Variants in SLC4A4 observed in about 807,000 individuals in gnomAD.
SLC4A4 encodes electrogenic sodium bicarbonate cotransporter 1.
In SLC4A4, 27 loss-of-function variants were observed where a neutral mutation model predicts 111.5. The ratio of observed to expected loss-of-function variants is 0.24; its 90% CI spans 0.18 to 0.33. The LOEUF (loss-of-function observed/expected upper bound fraction) is 0.33. Ranked by LOEUF, SLC4A4 falls within the 10% of genes least tolerant of loss-of-function variation. The pLI is 1.00. For missense variants in SLC4A4, 909 were observed against 1,315.5 expected (o/e 0.69, Z 4.78); for synonymous variants, 443 against 463.4 (o/e 0.96, Z 0.57).
At chr4:71,562,814 A>C (rs1737114899) in intron 23 of SLC4A4, among the ~76,000 whole-genome samples, 1 of 151,430 alleles carries the variant, frequency 6.6e-6, no homozygotes, top group Non-Finnish European at 1.5e-5. Flanking sequence ...CGTTGAATGC[A>C]TTATCTTAGT....
chr4:71,562,009 C>CA, intron 23 of SLC4A4, among the ~76,000 whole-genome samples: 2 of 151,888 alleles, frequency 1.3e-5, no homozygotes, highest in South Asian at 4.1e-4. Flanking sequence ...TTTAAATGTA[C>CA]TGCTCTCTAG....
intron 22 of SLC4A4, among the ~76,000 whole-genome samples, chr4:71,559,428 T>C (rs1247530750): frequency 6.6e-6 from 1 of 151,832 alleles, no homozygotes; most frequent in Non-Finnish European, 1.5e-5. Flanking sequence ...TTGGACAACA[T>C]ACTTAATGTC....
chr4:71,500,783 T>A (rs1016136530), intron 16 of SLC4A4, among the ~76,000 whole-genome samples: 1 of 152,200 alleles, frequency 6.6e-6, no homozygotes, highest in Non-Finnish European at 1.5e-5. Context: ...TGGCCATAAA[T>A]GCATGGATTT....
intron 1 of SLC4A4, among the ~76,000 whole-genome samples, chr4:71,225,350 T>TA (rs74266859): frequency 5.7e-4 from 82 of 144,254 alleles, no homozygotes; most frequent in East Asian, 6.0e-4. Context: ...AGACTCCGTT[T>TA]AAAAAAAAAA....
intron 13 of SLC4A4, among the ~76,000 whole-genome samples, chr4:71,469,349 G>A (rs1003743575): frequency 7.3e-5 from 11 of 151,494 alleles, no homozygotes; most frequent in Non-Finnish European, 1.2e-4. Flanking sequence ...TTTTTAATTC[G>A]TCCATGATAT....
chr4:71,204,131 A>G (rs1263046459), intron 1 of SLC4A4, among the ~76,000 whole-genome samples: 2 of 152,336 alleles, frequency 1.3e-5, no homozygotes, highest in African/African-American at 2.4e-5. Flanking sequence ...AATGAAATGG[A>G]AAAAGAAAAC....
chr4:71,543,344 T>C (rs988537360), intron 18 of SLC4A4, among the ~76,000 whole-genome samples: 5 of 152,052 alleles, frequency 3.3e-5, no homozygotes, highest in Non-Finnish European at 7.4e-5. Context: ...TCAGGTCACA[T>C]TGGTGATTTT....
intron 2 of SLC4A4, among the ~76,000 whole-genome samples, chr4:71,150,741 C>G (rs1289863099): frequency 6.6e-6 from 1 of 152,124 alleles, no homozygotes; most frequent in Admixed American, 6.6e-5. Context: ...CCGAATTCAC[C>G]TTTGGCAGCT....
intron 6 of SLC4A4, among the ~76,000 whole-genome samples, chr4:71,370,290 A>G (rs981593458): frequency 1.3e-5 from 2 of 152,316 alleles, no homozygotes; most frequent in African/African-American, 4.8e-5. Flanking sequence ...TTTATGGGTG[A>G]TGCCTTACTG....
intron 2 of SLC4A4, among the ~76,000 whole-genome samples, chr4:71,181,221 G>T (rs192288800): frequency 8.6e-6 from 1 of 115,852 alleles, no homozygotes; most frequent in Non-Finnish European, 1.7e-5. Context: ...GTTGTGGGGT[G>T]GGGGGAGGGG....
chr4:71,477,054 A>G (rs1344126987), intron 14 of SLC4A4, among the ~76,000 whole-genome samples: 4 of 151,782 alleles, frequency 2.6e-5, no homozygotes, highest in Admixed American at 2.6e-4. Context: ...ATCTAATTTC[A>G]TCACCAACAC....
chr4:71,158,455 CAAAGGCAAGCTATGGA>C (rs1319250158), intron 2 of SLC4A4, among the ~76,000 whole-genome samples: 1 of 152,162 alleles, frequency 6.6e-6, no homozygotes, highest in Non-Finnish European at 1.5e-5. Flanking sequence ...GAATGTTTCT[CAAAGGCAAGCTATGGA>C]TTTCAGATGC....
intron 12 of SLC4A4, among the ~76,000 whole-genome samples, chr4:71,455,026 G>C (rs1018022216): frequency 3.9e-5 from 6 of 152,136 alleles, no homozygotes; most frequent in Admixed American, 1.3e-4. Context: ...TCTCACAGTG[G>C]GGGGACTGTG....
intron 2 of SLC4A4, among the ~76,000 whole-genome samples, chr4:71,102,164 G>T (rs1047384876): frequency 8.6e-5 from 13 of 151,888 alleles, no homozygotes; most frequent in African/African-American, 1.7e-4. Flanking sequence ...TGGAAGAAAG[G>T]GTATCAGCAA....
chr4:71,462,514 T>G (rs1005026226), intron 12 of SLC4A4, among the ~76,000 whole-genome samples: 2 of 148,290 alleles, frequency 1.3e-5, no homozygotes, highest in African/African-American at 5.0e-5. Flanking sequence ...GTTCAAGCAA[T>G]TCTCCTGCCT....
At position 71,546,344 on chromosome 4, in the gene SLC4A4, C is replaced by G. The variant is rs771889942; in HGVS notation, c.2443-6C>G. On this transcript the variant is annotated splice_region_variant and splice_polypyrimidine_tract_variant and intron_variant, in intron 18 of 25. Coordinates refer to ENST00000264485, the MANE Select transcript of SLC4A4 (RefSeq NM_001098484.3). ...CTTCACATGGTTTTGTTATCTCTTTCTACAGAAAGGAGCAGGGTATCACTT... is the reference window on the plus strand; with the variant it reads ...CTTCACATGGTTTTGTTATCTCTTTGTACAGAAAGGAGCAGGGTATCACTT... The G allele has an allele frequency of 1.2e-6, 2 of 1,611,276 alleles. No homozygotes were observed. Among genetic ancestry groups the G allele is most frequent in the Non-Finnish European group, 1.7e-6 (2 of 1,177,800 alleles).
chr4:71,135,480 G>A (rs1252320765), intron 2 of SLC4A4, among the ~76,000 whole-genome samples: 1 of 151,882 alleles, frequency 6.6e-6, no homozygotes. Context: ...ATTTTTAGTA[G>A]AGATGGGATT....
chr4:71,536,485 T>TATATATATATATATAAAA (rs760037325), intron 18 of SLC4A4, among the ~76,000 whole-genome samples: 7 of 84,030 alleles, frequency 8.3e-5, no homozygotes, highest in African/African-American at 3.0e-4. Flanking sequence ...TATATATATA[T>TATATATATATATATAAAA]ATGTATATAT....
intron 1 of SLC4A4, among the ~76,000 whole-genome samples, chr4:71,208,945 A>G (rs756818926): frequency 6.6e-6 from 1 of 152,124 alleles, no homozygotes; most frequent in African/African-American, 2.4e-5. Context: ...CAGACTTGAA[A>G]TTGGCTAGCA....
Sources: gnomAD v4.1 joint callset for allele counts (sites outside exome capture counted in the v4.1 genomes callset) on GRCh38, gnomAD v4.1.1 for gene constraint, MANE v1.5 for transcripts, NCBI Gene and HGNC (gene_info 2026-07-23, HGNC 2026-07-21) for gene names.